The following TBC1D30 variants were observed in gnomAD, a reference collection of about 807,000 sequenced individuals.
TBC1D30 encodes the protein TBC1 domain family member 30.
TBC1D30 carries 31 observed loss-of-function variants against 63.2 expected under a neutral mutation model. The ratio of observed to expected loss-of-function variants is 0.49; its 90% confidence interval spans 0.37 to 0.66. The LOEUF is 0.66. Among genes scored for constraint, TBC1D30 ranks in the 30% least tolerant of loss-of-function variants. The probability of loss-of-function intolerance (pLI) is 0.00; values close to 1 mark genes in which losing one functional copy is unlikely to be tolerated. For synonymous variants in TBC1D30, 307 were observed against 361.5 expected (o/e 0.85, Z 1.71); for missense variants, 810 against 953.6 (o/e 0.85, Z 1.98).
chr12:64,791,630 G>T (rs1186177173), intron 2 of TBC1D30, among the ~76,000 whole-genome samples: 1 of 151,932 alleles, frequency 6.6e-6, no homozygotes, highest in Non-Finnish European at 1.5e-5. Flanking sequence ...TTCTCCCACG[G>T]CCTCCCGAGT....
At chr12:64,860,044 G>A (rs991617596) in intron 8 of TBC1D30, among the ~76,000 whole-genome samples, 23 of 146,358 alleles carry the variant, frequency 1.6e-4, no homozygotes, top group African/African-American at 5.6e-4. Flanking sequence ...TTAAAACATG[G>A]TCTCACTTTG....
chr12:64,839,839 AC>A (rs1040431869), intron 7 of TBC1D30, among the ~76,000 whole-genome samples: 2 of 151,978 alleles, frequency 1.3e-5, no homozygotes, highest in African/African-American at 4.8e-5. Context: ...CCCCGTCTCT[AC>A]TAAATATACA....
At chr12:64,810,419 A>G (rs915687440) in intron 2 of TBC1D30, among the ~76,000 whole-genome samples, 6 of 152,160 alleles carry the variant, frequency 3.9e-5, no homozygotes, top group African/African-American at 7.2e-5. Context: ...CCTGGCCAAC[A>G]TGGCAAAACC....
At chr12:64,785,845 G>C in intron 1 of TBC1D30, 1 of 1,273,500 alleles carries the variant, frequency 7.9e-7, no homozygotes, top group Non-Finnish European at 1.0e-6. Context: ...TCCTCTCAAG[G>C]TATTAATCGT....
At chr12:64,832,036 T>C in intron 4 of TBC1D30, 83 bp from the exon 5 acceptor site, 1 of 1,323,562 alleles carries the variant, frequency 7.6e-7, no homozygotes, top group Admixed American at 2.8e-5. Flanking sequence ...TTTGACTCTG[T>C]TTATTGAGTC....
chr12:64,869,481 G>C (rs1439105138), intron 10 of TBC1D30, among the ~76,000 whole-genome samples: 2 of 152,168 alleles, frequency 1.3e-5, no homozygotes, highest in Non-Finnish European at 2.9e-5. Context: ...CCCAACAAGA[G>C]TCTTCTTGAT....
intron 10 of TBC1D30, chr12:64,868,523 C>A: frequency 3.6e-6 from 1 of 275,212 alleles, no homozygotes; most frequent in Non-Finnish European, 7.0e-6. Flanking sequence ...GCCTGTATTC[C>A]TTGTGACTGT....
intron 8 of TBC1D30, among the ~76,000 whole-genome samples, chr12:64,852,137 G>A (rs745326682): frequency 2.6e-5 from 4 of 152,148 alleles, no homozygotes; most frequent in Non-Finnish European, 5.9e-5. Context: ...CATTCTTCCC[G>A]TCACTTTCAG....
rs1405484759 is a variant in TBC1D30, at chr12:64,880,847, C to G, written c.*5059C>G. On this transcript the variant is annotated 3_prime_UTR_variant, in exon 12 of 12. Transcript: ENST00000539867. ...TTGTTTCTTAGTGTTTACATCCTTGCTATAACAATTCTAGTTTTCCTTTAG... is the reference window on the plus strand; with the variant it reads ...TTGTTTCTTAGTGTTTACATCCTTGGTATAACAATTCTAGTTTTCCTTTAG... 3 of 152,068 alleles carry G rather than the reference C, an allele frequency of 2.0e-5. No homozygotes were observed. The East Asian group carries it at 5.8e-4, about 29-fold the overall frequency. 9.4% of individuals were successfully genotyped at this position (152,068 alleles called of 1,614,324 possible). A position where few individuals can be genotyped will look rare whatever the true frequency, so the allele number is the denominator to read the frequency against.
Position 64,832,285 on chromosome 12 carries a change from A to G in TBC1D30, c.575A>G (p.Asn192Ser). 6.5e-7 allele frequency: 1 copy of G among 1,536,094 alleles called. No homozygotes were observed. The highest frequency in any genetic ancestry group is 8.7e-7 in the Non-Finnish European group (1 of 1,146,874). The change falls in exon 5 of 12, where the codon AAT becomes AGT. Residue 192 changes from asparagine to serine, a missense_variant. Coordinates refer to ENST00000539867, the MANE Select transcript of TBC1D30 (RefSeq NM_015279.2). ...CTAATTCTGGAAGTGATGGAAGGCA[A>G]TGAAGGGGATGCCCTGAAAGTGAGT... The part of the protein sequence containing the change: ...AALILEVMEG[N>S]EGDALKIMIY...
At chr12:64,839,071 C>T (rs1291640581) in intron 7 of TBC1D30, among the ~76,000 whole-genome samples, 1 of 152,214 alleles carries the variant, frequency 6.6e-6, no homozygotes, top group Non-Finnish European at 1.5e-5. Flanking sequence ...TCCCACTCCT[C>T]CTCAAGTGCT....
intron 1 of TBC1D30, among the ~76,000 whole-genome samples, chr12:64,774,306 C>A (rs1871002204): frequency 6.6e-6 from 1 of 152,200 alleles, no homozygotes; most frequent in Non-Finnish European, 1.5e-5. Context: ...GAGACTGAAT[C>A]TTTGACTGAT....
chr12:64,870,911 G>T (rs1878606038), intron 11 of TBC1D30, 103 bp downstream of exon 11: 2 of 1,119,148 alleles, frequency 1.8e-6, no homozygotes, highest in Non-Finnish European at 2.6e-6. Context: ...CTGTAGCTCA[G>T]TATCCATCAA....
intron 4 of TBC1D30, 79 bp downstream of exon 4, chr12:64,830,581 C>G (rs1874766294): frequency 7.9e-7 from 1 of 1,267,692 alleles, no homozygotes; most frequent in Non-Finnish European, 1.0e-6. Flanking sequence ...GACAGAGGAT[C>G]AAATGATCTC....
intron 1 of TBC1D30, chr12:64,768,471 G>A (rs1178691782): frequency 6.6e-6 from 1 of 152,204 alleles, no homozygotes. Context: ...GAGTAGCTGG[G>A]ACTACTGGTG....
chr12:64,852,267 A>T (rs1876940225), intron 8 of TBC1D30, among the ~76,000 whole-genome samples: 3 of 151,202 alleles, frequency 2.0e-5, no homozygotes, highest in Admixed American at 2.0e-4. Flanking sequence ...TTAGTCTCTG[A>T]TATCCTTTCT....
At chr12:64,767,681 G>C (rs920543702) in intron 1 of TBC1D30, among the ~76,000 whole-genome samples, 3 of 149,810 alleles carry the variant, frequency 2.0e-5, no homozygotes, top group Non-Finnish European at 4.4e-5. Flanking sequence ...CAGGTATCCT[G>C]CAGAACATCT....
exon 1 of TBC1D30, chr12:64,780,833 G>A (rs1028269693): frequency 8.6e-5 from 86 of 996,478 alleles, no homozygotes; most frequent in Non-Finnish European, 9.8e-5. Flanking sequence ...CACCGGCGGG[G>A]GCCGCCCGGG....
At chr12:64,800,696 GC>G (rs1430497930) in intron 2 of TBC1D30, among the ~76,000 whole-genome samples, 1 of 152,136 alleles carries the variant, frequency 6.6e-6, no homozygotes. Context: ...AGAGAGAAGA[GC>G]CAACAAGGAG....
Sources: gnomAD v4.1 joint callset for allele counts (sites outside exome capture counted in the v4.1 genomes callset) on GRCh38, gnomAD v4.1.1 for gene constraint, MANE v1.5 for transcripts, NCBI Gene and HGNC (gene_info 2026-07-23, HGNC 2026-07-21) for gene names.